Variants in CCDC197 observed in about 807,000 individuals in gnomAD.
CCDC197 encodes uncharacterized protein CCDC197.
CCDC197 carries 24 observed loss-of-function variants against 13.4 expected under a neutral mutation model. The observed-to-expected ratio is 1.80, with a 90% CI of 1.30 to 2.53. The LOEUF (loss-of-function observed/expected upper bound fraction) is 2.53, where lower values mean the gene tolerates loss of function less well. Among genes scored for constraint, CCDC197 ranks in the 30% most tolerant of loss-of-function variants. The pLI is 0.00. For synonymous variants in CCDC197, 99 were observed against 55.5 expected (o/e 1.78, Z -3.48); for missense variants, 255 against 148.8 (o/e 1.71, Z -3.71).
intron 4 of CCDC197, among the ~76,000 whole-genome samples, chr14:94,002,862 A>AC (rs999963421): frequency 5.9e-5 from 9 of 151,756 alleles, no homozygotes; most frequent in Admixed American, 3.3e-4. Flanking sequence ...AAAAAAAAAA[A>AC]AAAAACAAAA....
rs1403465801 is a variant in CCDC197, at chr14:94,003,642, C to A, written c.498+288C>A. Among the ~76,000 whole-genome samples the A allele has an allele frequency of 6.6e-6, 1 of 151,908 alleles. No individual in the cohort carries two copies. On this transcript the variant is annotated intron_variant, in intron 5 of 6. Coordinates refer to ENST00000636493, the MANE Select transcript of CCDC197 (RefSeq NM_001351596.2). The surrounding 1 kb of genome is among the most constrained non-coding windows in gnomAD (Gnocchi z 5.0). ...ACAGACACACACACAGACATGCAAA[C>A]ACACGCACAGACACACAGACACATA... is the stretch of plus-strand genomic sequence containing the variant.
chr14:94,008,564 A>G lies in CCDC197; in HGVS notation c.616-45A>G, dbSNP rs757066134. The stretch of plus-strand genomic sequence containing the variant: ...CTTTGGTACCTAGAAAGCAGCGTCC[A>G]GAGGCCAAAACACTGTCAGGTGAGA... On this transcript the variant is annotated intron_variant, in intron 6 of 6. Coordinates refer to ENST00000636493, the MANE Select transcript of CCDC197 (RefSeq NM_001351596.2). 1.3e-4 allele frequency: 91 copies of G among 688,684 alleles called. No homozygotes were observed. The East Asian group carries it at 2.1e-3, about 16-fold the overall frequency. The allele number at this position is 688,684 out of a possible 1,614,324, so 42.7% of individuals were successfully genotyped here.
At chr14:93,991,907 C>T (rs1226757123) in intron 1 of CCDC197, among the ~76,000 whole-genome samples, 2 of 152,218 alleles carry the variant, frequency 1.3e-5, no homozygotes, top group African/African-American at 4.8e-5. Flanking sequence ...GGAGCCAGGG[C>T]ATCTGGAGCC....
intron 6 of CCDC197, among the ~76,000 whole-genome samples, chr14:94,006,274 T>C (rs1397361207): frequency 6.6e-6 from 1 of 152,372 alleles, no homozygotes; most frequent in East Asian, 1.9e-4. Context: ...TATCTTTTCA[T>C]GTGCTTATTG....
Position 93,998,177 on chromosome 14 carries a change from G to A in CCDC197, c.46G>A (p.Gly16Ser), listed in dbSNP as rs373848918. ...CCAGAGAGCTGACCCAAGCAATCCT[G>A]GTGACAAGGAAGGGGACCTTCAAGG... ...TGQRADPSNP[G>S]DKEGDLQGLW... The change falls in exon 2 of 7, where the codon GGT (glycine) becomes AGT (serine). Residue 16 changes from glycine (G) to serine (S), a missense_variant. Physicochemically the swap from Gly to Ser is moderately conservative, Grantham distance 56. Coordinates refer to ENST00000636493, the MANE Select transcript of CCDC197 (RefSeq NM_001351596.2). The A allele has an allele frequency of 6.9e-5, 54 of 780,852 alleles. No homozygotes were observed. The highest frequency in any genetic ancestry group is 1.2e-4 in the Non-Finnish European group (50 of 418,128). 48.4% of individuals were successfully genotyped at this position (780,852 alleles called of 1,614,324 possible).
At chr14:93,989,862 A>C (rs915680815) in intron 1 of CCDC197, among the ~76,000 whole-genome samples, 21 of 152,254 alleles carry the variant, frequency 1.4e-4, no homozygotes, top group African/African-American at 4.8e-4. Context: ...TCTACATTCA[A>C]ACTTACTCAG....
At chr14:93,993,563 G>A (rs779414399), upstream of CCDC197, among the ~76,000 whole-genome samples, 1 of 152,232 alleles carries the variant, frequency 6.6e-6, no homozygotes, top group Non-Finnish European at 1.5e-5. Context: ...TGCATCCTGA[G>A]CGTCAATGGC....
At chr14:93,989,193 C>T (rs369103573) in intron 1 of CCDC197, among the ~76,000 whole-genome samples, 27 of 152,162 alleles carry the variant, frequency 1.8e-4, no homozygotes, top group African/African-American at 6.3e-4. Flanking sequence ...ACAGCTGCCG[C>T]AGACCCTAGG....
chr14:94,011,096 AACC>A (rs1277688213), downstream of CCDC197, among the ~76,000 whole-genome samples: 1 of 152,158 alleles, frequency 6.6e-6, no homozygotes, highest in Admixed American at 6.5e-5. Context: ...GCTCCACTGT[AACC>A]ACCAACTACC....
chr14:94,007,939 A>G (rs1294921138), intron 6 of CCDC197, among the ~76,000 whole-genome samples: 6 of 152,226 alleles, frequency 3.9e-5, no homozygotes, highest in African/African-American at 9.6e-5. Context: ...AGGCTGCTGC[A>G]TGGCACAACT....
Position 94,003,316 on chromosome 14 carries a change from G to A in CCDC197, c.460G>A (p.Asp154Asn), listed in dbSNP as rs750624872. The change falls in exon 5 of 7, where the codon GAC becomes AAC. Residue 154 changes from aspartate to asparagine, a missense_variant. Physicochemically the swap from Asp to Asn is conservative, Grantham distance 23. Transcript: ENST00000636493. This position sits in a 1 kb window ranked among gnomAD's most constrained non-coding sequence, Gnocchi z 5.0. ...GAAGCACAGCATCACTTACCAGAAG[G>A]ACATTGACTTTGACACACACACCAG... ...QLKHSITYQK[D>N]IDFDTHTSSS... 1.5e-6 allele frequency: 1 copy of A among 676,394 alleles called. No homozygotes were observed. Among genetic ancestry groups the A allele is most frequent in the Non-Finnish European group, 2.8e-6 (1 of 352,316 alleles). 41.9% of individuals were successfully genotyped at this position (676,394 alleles called of 1,614,324 possible).
chr14:93,988,384 A>G (rs556503471), intron 1 of CCDC197, among the ~76,000 whole-genome samples: 10 of 73,774 alleles, frequency 1.4e-4, no homozygotes, highest in African/African-American at 5.3e-4. Context: ...AGGACAAGAG[A>G]GGGGATGAGA....
rs115911429 is a variant in CCDC197, at chr14:94,002,114, G to C, written c.366+791G>C. Among the ~76,000 whole-genome samples, 1,077 of 152,268 alleles carry C rather than the reference G, an allele frequency of 7.1e-3. 20 individuals are homozygous for C. The highest frequency in any genetic ancestry group is 0.024 in the African/African-American group (1,012 of 41,540). On this transcript the variant is annotated intron_variant, in intron 4 of 6. Transcript: ENST00000636493. ...TCTAGGTAGGTGCTACTATTCCAAG[G>C]GCTGGGACTAGGGAAAGGCAAGTCC...
chr14:94,006,326 A>G (rs4905140), intron 6 of CCDC197, among the ~76,000 whole-genome samples: 2 of 152,082 alleles, frequency 1.3e-5, no homozygotes, highest in African/African-American at 4.8e-5. Flanking sequence ...TATTCAAATT[A>G]TTTGCCCATT....
rs781207576 is a variant in CCDC197 at position 93,999,624 on chromosome 14, T to C, written c.146T>C (p.Phe49Ser). 5.1e-6 allele frequency: 4 copies of C among 781,060 alleles called. No individual in the cohort carries two copies. Among genetic ancestry groups the C allele is most frequent in the Non-Finnish European group, 9.6e-6 (4 of 418,122 alleles). 48.4% of individuals were successfully genotyped at this position (781,060 alleles called of 1,614,324 possible). A position where few individuals can be genotyped will look rare whatever the true frequency, so the allele number is the denominator to read the frequency against. The change falls in exon 3 of 7, where the codon TTT (phenylalanine) becomes TCT (serine). Residue 49 changes from phenylalanine (F) to serine (S), a missense_variant. Phe to Ser is a radical substitution (Grantham distance 155). Coordinates refer to ENST00000636493, the MANE Select transcript of CCDC197 (RefSeq NM_001351596.2). ...AGAGAAGTCGAGAAGCACAAGCTTT[T>C]TGAAGACTATCTGATTAAGGTCCTT... ...LKREVEKHKL[F>S]EDYLIKVLEK...
Position 94,001,178 on chromosome 14 carries a change from T to C in CCDC197, c.221T>C (p.Leu74Pro), listed in dbSNP as rs767112632. 2 of 780,544 alleles carry C rather than the reference T, an allele frequency of 2.6e-6. No individual in the cohort carries two copies. Among genetic ancestry groups the C allele is most frequent in the East Asian group, 2.4e-5 (1 of 41,222 alleles). 48.4% of individuals were successfully genotyped at this position (780,544 alleles called of 1,614,324 possible). Residue 74 changes from leucine (L) to proline (P), a missense_variant, in exon 4 of 7, where the codon CTG (leucine) becomes CCG (proline). Coordinates refer to ENST00000636493, the MANE Select transcript of CCDC197 (RefSeq NM_001351596.2). ...CTGWEEPEEV[L>P]VEATVKHYGK... ...GGATGGGAGGAGCCGGAGGAGGTGCTGGTGGAGGCCACGGTGAAGCACTAC... is the reference window on the plus strand; with the variant it reads ...GGATGGGAGGAGCCGGAGGAGGTGCCGGTGGAGGCCACGGTGAAGCACTAC...
chr14:93,993,900 C>T (rs948112737), upstream of CCDC197, among the ~76,000 whole-genome samples: 9 of 152,322 alleles, frequency 5.9e-5, no homozygotes, highest in African/African-American at 2.2e-4. Flanking sequence ...CGCCCCTCAC[C>T]GCTGTGGAAC....
In CCDC197 at chr14:93,999,684, C is replaced by T. The variant is rs372822717; in HGVS notation, c.187+19C>T. On this transcript the variant is annotated intron_variant, in intron 3 of 6. Coordinates refer to ENST00000636493, the MANE Select transcript of CCDC197 (RefSeq NM_001351596.2). ...CCCGAGGGTATGTACACAGCTTCCTCGGAAAGCCCTTTCTCTCCACAGCCA... is the reference window on the plus strand; with the variant it reads ...CCCGAGGGTATGTACACAGCTTCCTTGGAAAGCCCTTTCTCTCCACAGCCA... The T allele has an allele frequency of 8.6e-5, 67 of 780,644 alleles. No individual in the cohort carries two copies. Among genetic ancestry groups the T allele is most frequent in the East Asian group, 6.3e-4 (26 of 41,236 alleles). The allele number at this position is 780,644 out of a possible 1,614,324, so 48.4% of individuals were successfully genotyped here. A position where few individuals can be genotyped will look rare whatever the true frequency, so the allele number is the denominator to read the frequency against.
upstream of CCDC197, among the ~76,000 whole-genome samples, chr14:93,995,850 G>A (rs147780099): frequency 1.5e-4 from 23 of 152,170 alleles, no homozygotes; most frequent in East Asian, 2.9e-3. Flanking sequence ...AGAGTAGCCC[G>A]GACAGTCTCT....
Sources: gnomAD v4.1 joint callset for allele counts (sites outside exome capture counted in the v4.1 genomes callset) on GRCh38, gnomAD v4.1.1 for gene constraint, Gnocchi (gnomAD v3.1) non-coding constraint, MANE v1.5 for transcripts, NCBI Gene and HGNC (gene_info 2026-07-23, HGNC 2026-07-21) for gene names.